Variants in TBX4 observed in about 807,000 individuals in gnomAD.
TBX4 encodes the protein T-box transcription factor 4.
In TBX4, 13 loss-of-function variants were observed where a neutral mutation model predicts 54.6. That is an observed-to-expected ratio of 0.24 (90% CI 0.15 to 0.38). The LOEUF is 0.38. Among genes scored for constraint, TBX4 ranks in the 10% least tolerant of loss-of-function variants. The pLI is 1.00. For synonymous variants in TBX4, 314 were observed against 306.7 expected (o/e 1.02, Z -0.25); for missense variants, 631 against 728.5 (o/e 0.87, Z 1.54).
chr17:61,468,101 G>A (rs1283591066), intron 5 of TBX4, among the ~76,000 whole-genome samples: 1 of 152,236 alleles, frequency 6.6e-6, no homozygotes, highest in Non-Finnish European at 1.5e-5. Context: ...AAGCCTTTTC[G>A]AGCGAGAGTC....
chr17:61,469,674 G>A (rs551876189), intron 5 of TBX4, among the ~76,000 whole-genome samples: 3 of 152,272 alleles, frequency 2.0e-5, no homozygotes, highest in East Asian at 1.9e-4. Context: ...CTCTCGCTGC[G>A]GTATCTTCAC....
In TBX4 at chr17:61,475,085, G is replaced by T. The variant is rs1033352536; in HGVS notation, c.550-3542G>T. 3.9e-5 allele frequency among the ~76,000 whole-genome samples: 6 copies of T among 152,190 alleles called. No individual in the cohort carries two copies. The highest frequency in any genetic ancestry group is 3.3e-4 in the Admixed American group (5 of 15,276). On this transcript the variant is annotated intron_variant, in intron 5 of 8. Coordinates refer to ENST00000644296, the MANE Select transcript of TBX4 (RefSeq NM_001321120.2). This position sits in a 1 kb window ranked among gnomAD's most constrained non-coding sequence, Gnocchi z 5.0. ...CACCCTTCTTGACTTCTCTATGACC[G>T]GGGTTACCCTCACCTAGTGGCTCCC... is the stretch of plus-strand genomic sequence containing the variant.
chr17:61,483,145 G>A lies in TBX4; in HGVS notation c.1270G>A (p.Val424Met). 6.2e-7 allele frequency: 1 copy of A among 1,614,146 alleles called. No homozygotes were observed. Among genetic ancestry groups the A allele is most frequent in the Non-Finnish European group, 8.5e-7 (1 of 1,180,038 alleles). Residue 424 changes from valine (V) to methionine (M), a missense_variant, in exon 9 of 9, where the codon GTG (valine) becomes ATG (methionine). Coordinates refer to ENST00000644296, the MANE Select transcript of TBX4 (RefSeq NM_001321120.2). The surrounding 1 kb of genome is among the most constrained non-coding windows in gnomAD (Gnocchi z 6.6). ...PPLSCNMWTSVSPYTSYSVQT... is the reference protein window; with the variant it reads ...PPLSCNMWTSMSPYTSYSVQT... ...GCTGAGCTGTAACATGTGGACTTCA[G>A]TGTCGCCGTACACCAGCTATAGCGT...
chr17:61,456,369 A>G, intron 1 of TBX4, 119 bp from the exon 2 acceptor site: 1 of 1,376,858 alleles, frequency 7.3e-7, no homozygotes, highest in South Asian at 1.3e-5. Context: ...GGCGGGGTCC[A>G]CGTGCTCCAG....
At chr17:61,468,975 G>A (rs2060556268) in intron 5 of TBX4, among the ~76,000 whole-genome samples, 1 of 152,192 alleles carries the variant, frequency 6.6e-6, no homozygotes, top group Non-Finnish European at 1.5e-5. Flanking sequence ...GGGTCTCTGT[G>A]TGGGGAGGCT....
In TBX4 at chr17:61,457,390, A is replaced by C; in HGVS notation, c.187-147A>C. The stretch of plus-strand genomic sequence containing the variant: ...TTCTTTTATATTCACGAATAGTTCA[A>C]AATCGTTCTGTGAAACGAAATCTGG... On this transcript the variant is annotated intron_variant, in intron 2 of 8. Coordinates refer to ENST00000644296, the MANE Select transcript of TBX4 (RefSeq NM_001321120.2). The surrounding 1 kb of genome is among the most constrained non-coding windows in gnomAD (Gnocchi z 8.2). 1 of 694,210 alleles carries C rather than the reference A, an allele frequency of 1.4e-6. No individual in the cohort carries two copies. The highest frequency in any genetic ancestry group is 2.6e-6 in the Non-Finnish European group (1 of 390,402). The allele number at this position is 694,210 out of a possible 1,614,324, so 43.0% of individuals were successfully genotyped here.
chr17:61,482,873 C>T, intron 8 of TBX4, 24 bp from the exon 9 acceptor site: 1 of 1,611,898 alleles, frequency 6.2e-7, no homozygotes, highest in Non-Finnish European at 8.5e-7. Flanking sequence ...AATGGTTCTT[C>T]CTGAATGTTA....
chr17:61,479,747 A>C lies in TBX4; in HGVS notation c.703-134A>C. ...TCCCACCCTCCTCCCCAAGGAGGGTAGTGAGAAGCGGTGAGGCTGGAGAGC... is the reference window on the plus strand; with the variant it reads ...TCCCACCCTCCTCCCCAAGGAGGGTCGTGAGAAGCGGTGAGGCTGGAGAGC... On this transcript the variant is annotated intron_variant, in intron 6 of 8. Coordinates refer to ENST00000644296, the MANE Select transcript of TBX4 (RefSeq NM_001321120.2). The surrounding 1 kb of genome is among the most constrained non-coding windows in gnomAD (Gnocchi z 6.1). 11 of 869,174 alleles carry C rather than the reference A, an allele frequency of 1.3e-5. No homozygotes were observed. The highest frequency in any genetic ancestry group is 1.7e-5 in the Non-Finnish European group (9 of 521,298). 53.8% of individuals were successfully genotyped at this position (869,174 alleles called of 1,614,324 possible).
At chr17:61,477,332 G>A (rs1459274631) in intron 5 of TBX4, among the ~76,000 whole-genome samples, 1 of 152,260 alleles carries the variant, frequency 6.6e-6, no homozygotes, top group Non-Finnish European at 1.5e-5. Context: ...GCCAAATGAA[G>A]CAGGTTTGGA....
chr17:61,465,778 G>A lies in TBX4; in HGVS notation c.282-41G>A. 2 of 1,612,580 alleles carry A rather than the reference G, an allele frequency of 1.2e-6. No individual in the cohort carries two copies. The highest frequency in any genetic ancestry group is 1.7e-6 in the Non-Finnish European group (2 of 1,179,128). On this transcript the variant is annotated intron_variant, in intron 3 of 8. Transcript: ENST00000644296. This position sits in a 1 kb window ranked among gnomAD's most constrained non-coding sequence, Gnocchi z 4.9. Reference sequence around the variant, plus strand: ...CTCACTCTGTTCCATCTCTCCTGGTGCTCTGTCCACACGCTCCGCCTCACC... The same window carrying A: ...CTCACTCTGTTCCATCTCTCCTGGTACTCTGTCCACACGCTCCGCCTCACC...
In TBX4 at chr17:61,457,229, T is replaced by G. The variant is rs1186657433; in HGVS notation, c.187-308T>G. 2.0e-5 allele frequency among the ~76,000 whole-genome samples: 3 copies of G among 152,056 alleles called. No individual in the cohort carries two copies. The highest frequency in any genetic ancestry group is 1.3e-4 in the Admixed American group (2 of 15,276). On this transcript the variant is annotated intron_variant, in intron 2 of 8. Transcript: ENST00000644296. This position sits in a 1 kb window ranked among gnomAD's most constrained non-coding sequence, Gnocchi z 8.2. Reference sequence around the variant, plus strand: ...CCTGTCTGTGTCTGCCCCGGGAGCCTGTGGCGATGGCCCGCCACAGAAATG... The same window carrying G: ...CCTGTCTGTGTCTGCCCCGGGAGCCGGTGGCGATGGCCCGCCACAGAAATG...
In TBX4 at chr17:61,461,151, A is replaced by G. The variant is rs531451850; in HGVS notation, c.281+3520A>G. On this transcript the variant is annotated intron_variant, in intron 3 of 8. Transcript: ENST00000644296. This position sits in a 1 kb window ranked among gnomAD's most constrained non-coding sequence, Gnocchi z 5.1. ...AGTCTATCAGAAGGAAGTGCCTTTA[A>G]AAAAAATCTAAGAGAAGCAACCGAT... Among the ~76,000 whole-genome samples the G allele has an allele frequency of 1.3e-5, 2 of 152,312 alleles. No homozygotes were observed. The highest frequency in any genetic ancestry group is 4.1e-4 in the South Asian group (2 of 4,822).
Position 61,483,270 on chromosome 17 carries a change from G to C in TBX4, c.1395G>C (p.Gln465His). 1 of 1,614,098 alleles carries C rather than the reference G, an allele frequency of 6.2e-7. No individual in the cohort carries two copies. Among genetic ancestry groups the C allele is most frequent in the Non-Finnish European group, 8.5e-7 (1 of 1,179,980 alleles). The change falls in exon 9 of 9, where the codon CAG becomes CAC. Residue 465 changes from glutamine (Q) to histidine (H), a missense_variant. Around this residue, in one of 3 missense-constraint regions of TBX4, gnomAD observed 354 missense variants for 368.9 expected, o/e 0.96. Transcript: ENST00000644296. The surrounding 1 kb of genome is among the most constrained non-coding windows in gnomAD (Gnocchi z 6.6). The part of the protein sequence containing the change: ...RLPTLSAQSS[Q>H]PPGNAHFSVY... Reference sequence around the variant, plus strand: ...CCACCCTCTCCGCTCAGAGCTCCCAGCCACCAGGAAATGCCCACTTTAGTG... The same window carrying C: ...CCACCCTCTCCGCTCAGAGCTCCCACCCACCAGGAAATGCCCACTTTAGTG...
chr17:61,483,027 C>T lies in TBX4; in HGVS notation c.1152C>T (p.Cys384=). 1 of 1,614,136 alleles carries T rather than the reference C, an allele frequency of 6.2e-7. No homozygotes were observed. Among genetic ancestry groups the T allele is most frequent in the Non-Finnish European group, 8.5e-7 (1 of 1,180,014 alleles). ...YDQQMLSPSY[C]SEVTPREACM... ...AGCAAATGCTGAGCCCCTCCTACTG[C>T]AGTGAGGTGACCCCCAGAGAAGCAT... The change falls in exon 9 of 9, where the codon TGC becomes TGT. Residue 384 remains cysteine, a synonymous_variant. Coordinates refer to ENST00000644296, the MANE Select transcript of TBX4 (RefSeq NM_001321120.2). This position sits in a 1 kb window ranked among gnomAD's most constrained non-coding sequence, Gnocchi z 6.6.
intron 1 of TBX4, among the ~76,000 whole-genome samples, chr17:61,455,877 AC>A (rs2060444312): frequency 6.6e-6 from 1 of 152,094 alleles, no homozygotes; most frequent in South Asian, 2.1e-4. Flanking sequence ...ATGTGTGTGG[AC>A]GGGGAGTGTG....
chr17:61,461,074 G>C lies in TBX4; in HGVS notation c.281+3443G>C, dbSNP rs1224849718. On this transcript the variant is annotated intron_variant, in intron 3 of 8. Coordinates refer to ENST00000644296, the MANE Select transcript of TBX4 (RefSeq NM_001321120.2). The surrounding 1 kb of genome is among the most constrained non-coding windows in gnomAD (Gnocchi z 5.1). ...AAGGGTTGAAGACACTGGGAAAGTG[G>C]GTTGGGGAGAGAGTGCTTTGATCTC... Among the ~76,000 whole-genome samples the C allele has an allele frequency of 1.3e-5, 2 of 152,182 alleles. No homozygotes were observed. Among genetic ancestry groups the C allele is most frequent in the Admixed American group, 6.5e-5 (1 of 15,286 alleles).
intron 1 of TBX4, 91 bp from the exon 2 acceptor site, chr17:61,456,397 G>T: frequency 6.6e-7 from 1 of 1,511,958 alleles, no homozygotes; most frequent in Non-Finnish European, 8.9e-7. Context: ...TCCGCGCCCC[G>T]CACGAAGTCC....
chr17:61,475,766 C>A lies in TBX4; in HGVS notation c.550-2861C>A, dbSNP rs2060615854. On this transcript the variant is annotated intron_variant, in intron 5 of 8. Coordinates refer to ENST00000644296, the MANE Select transcript of TBX4 (RefSeq NM_001321120.2). The surrounding 1 kb of genome is among the most constrained non-coding windows in gnomAD (Gnocchi z 5.0). The stretch of plus-strand genomic sequence containing the variant: ...GCACAGCCTTCATGAGGTGCTGGTG[C>A]CTATGGCTCTGTCCTGGGTTCTCTC... 6.6e-6 allele frequency among the ~76,000 whole-genome samples: 1 copy of A among 152,126 alleles called. No homozygotes were observed. Among genetic ancestry groups the A allele is most frequent in the Non-Finnish European group, 1.5e-5 (1 of 68,034 alleles).
At chr17:61,473,833 C>T (rs2060598453) in intron 5 of TBX4, among the ~76,000 whole-genome samples, 1 of 152,222 alleles carries the variant, frequency 6.6e-6, no homozygotes, top group Non-Finnish European at 1.5e-5. Context: ...CAGGGCCTGG[C>T]ACATAAGCTA....
Sources: gnomAD v4.1 joint callset for allele counts (sites outside exome capture counted in the v4.1 genomes callset) on GRCh38, gnomAD v4.1.1 for gene constraint, gnomAD v4.1.1 regional missense constraint, Gnocchi (gnomAD v3.1) non-coding constraint, MANE v1.5 for transcripts, NCBI Gene and HGNC (gene_info 2026-07-23, HGNC 2026-07-21) for gene names.